The following ABCA13 variants were observed in gnomAD, a reference collection of about 807,000 sequenced individuals.
The protein encoded by ABCA13 is ATP-binding cassette sub-family A member 13.
ABCA13 carries 476 observed loss-of-function variants against 478.7 expected under a neutral mutation model. That is an observed-to-expected ratio of 0.99 (90% confidence interval 0.92 to 1.07). The LOEUF (loss-of-function observed/expected upper bound fraction) is 1.07. ABCA13 is among the 50% of genes least tolerant of loss of function. The pLI, the probability that ABCA13 is intolerant of heterozygous loss-of-function variation, is 0.00. For missense variants in ABCA13, 6,060 were observed against 5,910.6 expected (o/e 1.03, Z -0.83); for synonymous variants, 2,252 against 2,158.9 (o/e 1.04, Z -1.20).
chr7:48,467,197 A>G (rs1826978575), intron 44 of ABCA13, among the ~76,000 whole-genome samples, 152 bp downstream of exon 44: 2 of 152,186 alleles, frequency 1.3e-5, no homozygotes, highest in Admixed American at 6.5e-5. Context: ...TTATTACTGA[A>G]TGGGCCTTAT....
At chr7:48,538,275 A>G (rs1833730916) in intron 55 of ABCA13, among the ~76,000 whole-genome samples, 1 of 151,702 alleles carries the variant, frequency 6.6e-6, no homozygotes, top group Non-Finnish European at 1.5e-5. Context: ...TACATTTTGT[A>G]TTTTTAGTAG....
Position 48,432,482 on chromosome 7 carries a change from G to A in ABCA13, c.12565+4611G>A, listed in dbSNP as rs1822280174. Among the ~76,000 whole-genome samples, 6 of 151,952 alleles carry A rather than the reference G, an allele frequency of 3.9e-5. No individual in the cohort carries two copies. In the South Asian group the frequency reaches 1.2e-3, roughly 32 times the overall value. ...ATCCCATTACTTGGTATATATCCAA[G>A]GAAATGAAATCAGTATATTAAAGAA... On this transcript the variant is annotated intron_variant, in intron 42 of 61. Transcript: ENST00000435803.
intron 3 of ABCA13, 103 bp from the exon 4 acceptor site, chr7:48,219,251 A>G (rs1786973558): frequency 2.4e-6 from 3 of 1,258,068 alleles, no homozygotes; most frequent in South Asian, 1.5e-5. Flanking sequence ...GTAAGTTGGT[A>G]CAAGTTTAAT....
At chr7:48,388,044 C>A in intron 36 of ABCA13, 85 bp downstream of exon 36, 1 of 1,427,860 alleles carries the variant, frequency 7.0e-7, no homozygotes, top group East Asian at 2.3e-5. Context: ...ATGGTCCAGC[C>A]TTTTCAAGTG....
At chr7:48,387,021 C>T (rs1054496096) in intron 35 of ABCA13, among the ~76,000 whole-genome samples, 1 of 152,076 alleles carries the variant, frequency 6.6e-6, no homozygotes, top group Admixed American at 6.5e-5. Flanking sequence ...GATACATGTG[C>T]TCTCCTTTGA....
chr7:48,612,600 AT>A (rs1477774678), intron 58 of ABCA13, among the ~76,000 whole-genome samples: 1 of 152,178 alleles, frequency 6.6e-6, no homozygotes, highest in East Asian at 1.9e-4. Context: ...AGTGAACCTC[AT>A]TTTAATAGCT....
At chr7:48,526,660 T>C (rs1034369443) in intron 54 of ABCA13, among the ~76,000 whole-genome samples, 6 of 152,184 alleles carry the variant, frequency 3.9e-5, no homozygotes, top group Non-Finnish European at 7.4e-5. Flanking sequence ...CTATACAGTA[T>C]GTGCTGAATA....
At chr7:48,618,211 C>T (rs1174675512) in intron 59 of ABCA13, among the ~76,000 whole-genome samples, 7 of 152,158 alleles carry the variant, frequency 4.6e-5, no homozygotes, top group Non-Finnish European at 1.0e-4. Context: ...CAGTCAGCCC[C>T]GTAAACCCAT....
chr7:48,274,879 A>G lies in ABCA13; in HGVS notation c.5213A>G (p.Asp1738Gly). The change falls in exon 17 of 62, where the codon GAT becomes GGT. Residue 1738 changes from aspartate (D) to glycine (G), a missense_variant. Transcript: ENST00000435803. ...CAGCTCTCACGCCTGTTTCCTAAAGATGTTGTGGATGCTGTGATAGATGTG... is the reference window on the plus strand; with the variant it reads ...CAGCTCTCACGCCTGTTTCCTAAAGGTGTTGTGGATGCTGTGATAGATGTG... ...LLQLSRLFPK[D>G]VVDAVIDVYY... 1 of 1,613,946 alleles carries G rather than the reference A, an allele frequency of 6.2e-7. No individual in the cohort carries two copies. The highest frequency in any genetic ancestry group is 8.5e-7 in the Non-Finnish European group (1 of 1,179,858).
At chr7:48,486,871 A>G (rs941823908) in intron 47 of ABCA13, among the ~76,000 whole-genome samples, 6 of 152,174 alleles carry the variant, frequency 3.9e-5, no homozygotes, top group Admixed American at 2.0e-4. Flanking sequence ...AGGAACATAC[A>G]TGTGCCTCTC....
intron 52 of ABCA13, 107 bp downstream of exon 52, chr7:48,516,988 G>A (rs183205821): frequency 6.5e-6 from 8 of 1,235,934 alleles, no homozygotes; most frequent in Admixed American, 4.6e-5. Context: ...CAATGGAAAT[G>A]CATTGGTATC....
rs543676396 is a variant in ABCA13, at chr7:48,179,886, A to G, written c.69+8334A>G. Among the ~76,000 whole-genome samples, 67 of 152,312 alleles carry G rather than the reference A, an allele frequency of 4.4e-4. No homozygotes were observed. The South Asian group carries it at 0.013, about 29-fold the overall frequency. ...CAACAATCATCATGCACCTGAGCCC[A>G]GGACATCAGTCCTATTTCCCACACT... On this transcript the variant is annotated intron_variant, in intron 1 of 61. Coordinates refer to ENST00000435803, the MANE Select transcript of ABCA13 (RefSeq NM_152701.5).
In ABCA13 at chr7:48,520,039, A is replaced by G; in HGVS notation, c.13798-2A>G. On this transcript the variant is annotated splice_acceptor_variant, in intron 52 of 61. Coordinates refer to ENST00000435803, the MANE Select transcript of ABCA13 (RefSeq NM_152701.5). LOFTEE classifies it high-confidence loss of function. ...ATTTTTTTTCTTTTTTTCACTGTGC[A>G]GAATTTACAGAATATCTATGATGTC... is the stretch of plus-strand genomic sequence containing the variant. 6.2e-7 allele frequency: 1 copy of G among 1,604,090 alleles called. No individual in the cohort carries two copies.
At position 48,248,334 on chromosome 7, in the gene ABCA13, G is replaced by A; in HGVS notation, c.1755G>A (p.Leu585=). Residue 585 remains leucine, a synonymous_variant, in exon 14 of 62, where the codon CTG becomes CTA. Transcript: ENST00000435803. ...ACTGGCAGGAACTTGAGATGCAGCT[G>A]TCAGAAGCAAGCCTTTCCTGTACTC... ...YLDWQELEMQ[L]SEASLSCTRL... is the part of the protein sequence containing the mutation. 1 of 1,613,892 alleles carries A rather than the reference G, an allele frequency of 6.2e-7. No individual in the cohort carries two copies. Among genetic ancestry groups the A allele is most frequent in the Non-Finnish European group, 8.5e-7 (1 of 1,179,808 alleles).
intron 55 of ABCA13, among the ~76,000 whole-genome samples, chr7:48,543,627 A>T (rs1478579780): frequency 6.6e-6 from 1 of 151,836 alleles, no homozygotes; most frequent in East Asian, 1.9e-4. Flanking sequence ...CCATCTCAAA[A>T]AAGTAAAAAA....
chr7:48,599,044 T>C (rs1006794406), intron 58 of ABCA13, among the ~76,000 whole-genome samples: 1 of 152,050 alleles, frequency 6.6e-6, no homozygotes, highest in African/African-American at 2.4e-5. Flanking sequence ...GTATGCTTAT[T>C]TTCTCACCCA....
At chr7:48,628,043 G>C (rs868358238) in intron 59 of ABCA13, among the ~76,000 whole-genome samples, 8 of 152,134 alleles carry the variant, frequency 5.3e-5, no homozygotes, top group African/African-American at 1.9e-4. Context: ...CCTGAACTTC[G>C]GGGGGACACG....
At chr7:48,288,214 G>A (rs908914674) in intron 20 of ABCA13, 136 bp downstream of exon 20, 1 of 803,190 alleles carries the variant, frequency 1.2e-6, no homozygotes, top group Admixed American at 2.4e-5. Flanking sequence ...GTTGCAAGCT[G>A]GGCTTGCAGA....
chr7:48,219,324 T>G (rs1786991301), intron 3 of ABCA13, 30 bp from the exon 4 acceptor site: 1 of 1,567,018 alleles, frequency 6.4e-7, no homozygotes, highest in Non-Finnish European at 8.6e-7. Context: ...TGTTAAAGAG[T>G]TTCACTTGCA....
Sources: gnomAD v4.1 joint callset for allele counts (sites outside exome capture counted in the v4.1 genomes callset) on GRCh38, gnomAD v4.1.1 for gene constraint, MANE v1.5 for transcripts, NCBI Gene and HGNC (gene_info 2026-07-23, HGNC 2026-07-21) for gene names.